The following CADM2 variants were observed in gnomAD, a reference collection of about 807,000 sequenced individuals.
The protein encoded by CADM2 is cell adhesion molecule 2.
In CADM2, 12 loss-of-function variants were observed where a neutral mutation model predicts 49.8. The ratio of observed to expected loss-of-function variants is 0.24; its 90% confidence interval spans 0.15 to 0.39. The LOEUF (loss-of-function observed/expected upper bound fraction) is 0.39, where lower values mean the gene tolerates loss of function less well. Ranked by LOEUF, CADM2 falls within the 10% of genes least tolerant of loss-of-function variation. CADM2 has a pLI of 1.00. For missense variants in CADM2, 378 were observed against 492.3 expected, an observed-to-expected ratio of 0.77 and a Z score of 2.20; for synonymous variants, 214 against 175.4, an observed-to-expected ratio of 1.22 and a Z score of -1.74.
chr3:86,013,915 G>A (rs9881057), intron 8 of CADM2: 2 of 1,591,128 alleles, frequency 1.3e-6, no homozygotes, highest in Non-Finnish European at 1.7e-6. Flanking sequence ...TACACACTCT[G>A]AACTTCCTGT....
intron 1 of CADM2, among the ~76,000 whole-genome samples, chr3:85,325,336 T>G (rs1242900810): frequency 6.6e-6 from 1 of 152,188 alleles, no homozygotes; most frequent in Non-Finnish European, 1.5e-5. Context: ...TTCTTTCTAT[T>G]TGTTGAGATA....
chr3:85,322,037 T>C (rs1381089285), intron 1 of CADM2, among the ~76,000 whole-genome samples: 3 of 152,174 alleles, frequency 2.0e-5, no homozygotes, highest in African/African-American at 7.2e-5. Flanking sequence ...ACCAAACATT[T>C]TGTAACAGAT....
intron 1 of CADM2, among the ~76,000 whole-genome samples, chr3:85,295,165 A>G (rs1241119984): frequency 2.6e-5 from 4 of 152,228 alleles, no homozygotes; most frequent in Admixed American, 1.3e-4. Flanking sequence ...GAAGCCATTT[A>G]TGCAGCCAAA....
intron 1 of CADM2, among the ~76,000 whole-genome samples, chr3:85,725,459 A>G (rs1446072567): frequency 6.6e-6 from 1 of 151,934 alleles, no homozygotes; most frequent in Admixed American, 6.6e-5. Context: ...CCCAATTAGG[A>G]GATGGACTAT....
At chr3:85,964,882 C>T (rs767134778) in intron 8 of CADM2, among the ~76,000 whole-genome samples, 27 of 151,630 alleles carry the variant, frequency 1.8e-4, no homozygotes, top group Non-Finnish European at 3.2e-4. Context: ...TGAAGTATAT[C>T]TCTTGTGATT....
At chr3:85,803,678 T>A (rs770908495) in intron 3 of CADM2, among the ~76,000 whole-genome samples, 7 of 152,112 alleles carry the variant, frequency 4.6e-5, no homozygotes, top group Non-Finnish European at 8.8e-5. Flanking sequence ...CAGGGAGAAT[T>A]TCTTCTTCCT....
chr3:85,440,732 C>T (rs1315431691), intron 1 of CADM2, among the ~76,000 whole-genome samples: 1 of 151,988 alleles, frequency 6.6e-6, no homozygotes, highest in African/African-American at 2.4e-5. Flanking sequence ...TCTGTAATCC[C>T]AGTACTTTGG....
chr3:85,360,271 A>G (rs764210460), intron 1 of CADM2, among the ~76,000 whole-genome samples: 1 of 152,180 alleles, frequency 6.6e-6, no homozygotes, highest in Non-Finnish European at 1.5e-5. Flanking sequence ...CCAGTGAAAC[A>G]TCTACTATTG....
intron 1 of CADM2, among the ~76,000 whole-genome samples, chr3:85,461,622 C>T (rs976823309): frequency 1.3e-5 from 2 of 151,244 alleles, no homozygotes; most frequent in African/African-American, 4.8e-5. Flanking sequence ...GTCACAGCAA[C>T]CCCAATTCAA....
At chr3:85,088,434 C>G (rs1411513367) in intron 1 of CADM2, among the ~76,000 whole-genome samples, 1 of 152,056 alleles carries the variant, frequency 6.6e-6, no homozygotes, top group Non-Finnish European at 1.5e-5. Flanking sequence ...AAGTATGCAA[C>G]TCTTTTAAAA....
intron 2 of CADM2, among the ~76,000 whole-genome samples, chr3:85,755,867 C>G (rs776855610): frequency 6.6e-6 from 1 of 152,118 alleles, no homozygotes; most frequent in Non-Finnish European, 1.5e-5. Context: ...TGACACAAAT[C>G]AGAACCATAT....
intron 1 of CADM2, among the ~76,000 whole-genome samples, chr3:85,412,342 A>G (rs917714615): frequency 6.6e-6 from 1 of 152,192 alleles, no homozygotes; most frequent in Non-Finnish European, 1.5e-5. Context: ...TTTTCTTATA[A>G]TAATTAGTTC....
intron 3 of CADM2, among the ~76,000 whole-genome samples, chr3:85,870,182 G>C (rs1463205446): frequency 1.2e-4 from 18 of 151,990 alleles, no homozygotes; most frequent in Admixed American, 1.0e-3. Flanking sequence ...TGAATAGGTA[G>C]ATGCATAGAC....
At chr3:85,737,443 T>G (rs2068185448) in intron 2 of CADM2, among the ~76,000 whole-genome samples, 1 of 152,218 alleles carries the variant, frequency 6.6e-6, no homozygotes, top group Non-Finnish European at 1.5e-5. Context: ...GAAAAGTTAC[T>G]TGTACATTTG....
At chr3:85,199,860 G>A (rs2041448573) in intron 1 of CADM2, among the ~76,000 whole-genome samples, 1 of 151,982 alleles carries the variant, frequency 6.6e-6, no homozygotes, top group South Asian at 2.1e-4. Flanking sequence ...AACTGACTCT[G>A]AAAGAATCAA....
intron 1 of CADM2, among the ~76,000 whole-genome samples, chr3:85,212,061 C>T (rs1444073464): frequency 3.9e-5 from 6 of 152,004 alleles, no homozygotes; most frequent in African/African-American, 1.4e-4. Context: ...TAATTTTTGT[C>T]GTGAAATCTA....
At chr3:85,720,219 C>A (rs1488295011) in intron 1 of CADM2, among the ~76,000 whole-genome samples, 2 of 151,810 alleles carry the variant, frequency 1.3e-5, no homozygotes, top group African/African-American at 4.8e-5. Flanking sequence ...TTTTTTGTCC[C>A]CTGTATTTGT....
At chr3:85,026,622 G>T (rs1201692822) in intron 1 of CADM2, among the ~76,000 whole-genome samples, 1 of 152,084 alleles carries the variant, frequency 6.6e-6, no homozygotes, top group East Asian at 1.9e-4. Context: ...AAGAGAAATT[G>T]AGAACAAAAT....
intron 1 of CADM2, among the ~76,000 whole-genome samples, chr3:85,518,431 T>C (rs2060953406): frequency 6.6e-6 from 1 of 152,130 alleles, no homozygotes; most frequent in Non-Finnish European, 1.5e-5. Context: ...GCTTTTTTTT[T>C]TTTTTAAATC....
Sources: allele counts gnomAD v4.1 joint callset (sites outside exome capture counted in the v4.1 genomes callset), GRCh38; gene constraint gnomAD v4.1.1; transcripts MANE v1.5; gene names NCBI Gene and HGNC (gene_info 2026-07-23, HGNC 2026-07-21).